The following KLF8 variants were observed in gnomAD, a reference collection of about 807,000 sequenced individuals.
KLF8 encodes the protein Krueppel-like factor 8.
KLF8 carries 10 observed loss-of-function variants against 18.2 expected under a neutral mutation model. That is an observed-to-expected ratio of 0.55 (90% CI 0.34 to 0.93). The LOEUF is 0.93. Among genes scored for constraint, KLF8 ranks in the 40% least tolerant of loss-of-function variants. The pLI, the probability that KLF8 is intolerant of heterozygous loss-of-function variation, is 0.02. For missense variants in KLF8, 264 were observed against 277.9 expected (o/e 0.95, Z 0.36); for synonymous variants, 109 against 97.3 (o/e 1.12, Z -0.71).
chrX:56,154,493 T>TA, the KLF8 span, among the ~76,000 whole-genome samples: 1 of 111,668 alleles, frequency 9.0e-6, no homozygotes. Flanking sequence ...CCTAAAACCA[T>TA]AAAAACCCTT....
intron 5 of KLF8, among the ~76,000 whole-genome samples, chrX:56,281,765 C>T (rs1299573384): frequency 8.9e-6 from 1 of 112,515 alleles, no homozygotes; most frequent in Non-Finnish European, 1.9e-5. Context: ...ATTATGAATT[C>T]TTTCTCTGCA....
chrX:56,198,707 A>T, the KLF8 span, among the ~76,000 whole-genome samples: 1 of 112,082 alleles, frequency 8.9e-6, no homozygotes, highest in African/African-American at 3.2e-5. Flanking sequence ...TCAAGCTACC[A>T]AGGACTTTCT....
chrX:56,183,496 G>A, the KLF8 span, among the ~76,000 whole-genome samples: 1 of 111,469 alleles, frequency 9.0e-6, no homozygotes, highest in Non-Finnish European at 1.9e-5. Flanking sequence ...CCAGTGAGAT[G>A]AAACCTGTAC....
the KLF8 span, among the ~76,000 whole-genome samples, chrX:56,070,420 T>C: frequency 1.9e-5 from 2 of 106,445 alleles, no homozygotes; most frequent in African/African-American, 6.9e-5. Flanking sequence ...TAAATTTTCT[T>C]AAAAAAAGAA....
At position 56,290,474 on chromosome X, in the gene KLF8, A is replaced by G. The variant is rs1325933018; in HGVS notation, c.*5980A>G. Among the ~76,000 whole-genome samples, 3 of 111,596 alleles carry G rather than the reference A, an allele frequency of 2.7e-5. No homozygotes were observed. Among genetic ancestry groups the G allele is most frequent in the Admixed American group, 9.6e-5 (1 of 10,468 alleles). On this transcript the variant is annotated 3_prime_UTR_variant, in exon 6 of 6. Coordinates refer to ENST00000468660, the MANE Select transcript of KLF8 (RefSeq NM_007250.5). ...CAATATTATTTATTCTCTTACTTTC[A>G]CTTTCCCTATATCTTCTTTGTTACT...
chrX:56,154,563 A>G, the KLF8 span, among the ~76,000 whole-genome samples: 10 of 112,245 alleles, frequency 8.9e-5, no homozygotes, highest in Non-Finnish European at 1.7e-4. Context: ...TCATGTCTAA[A>G]ACGCCAAAAG....
the KLF8 span, among the ~76,000 whole-genome samples, chrX:55,916,814 C>A: frequency 2.7e-5 from 3 of 112,130 alleles, no homozygotes; most frequent in African/African-American, 9.7e-5. Context: ...TTGGATACTT[C>A]TTGTATCAAT....
At chrX:55,965,232 C>G in the KLF8 span, among the ~76,000 whole-genome samples, 1 of 112,315 alleles carries the variant, frequency 8.9e-6, no homozygotes, top group African/African-American at 3.2e-5. Context: ...AAACTTGGAT[C>G]AACATATACA....
At chrX:55,987,650 G>A in the KLF8 span, among the ~76,000 whole-genome samples, 9,670 of 111,523 alleles carry the variant, frequency 0.087, 1,000 homozygotes, top group African/African-American at 0.3. Flanking sequence ...GAATAGTGCC[G>A]CAATAAACAT....
chrX:56,187,185 G>C, the KLF8 span, among the ~76,000 whole-genome samples: 1 of 111,490 alleles, frequency 9.0e-6, no homozygotes, highest in Admixed American at 9.5e-5. Flanking sequence ...AAATGATAAA[G>C]GGGATATCAC....
the KLF8 span, among the ~76,000 whole-genome samples, chrX:55,942,208 TC>T: frequency 1.8e-5 from 2 of 111,370 alleles, no homozygotes; most frequent in African/African-American, 6.5e-5. Context: ...TGAGTTCATG[TC>T]CTTTGTAGGG....
At chrX:56,060,381 G>A in the KLF8 span, among the ~76,000 whole-genome samples, 1 of 111,800 alleles carries the variant, frequency 8.9e-6, no homozygotes, top group Admixed American at 9.5e-5. Context: ...TTTATTGAGA[G>A]TTTTTAGCAT....
chrX:56,155,966 G>A, the KLF8 span, among the ~76,000 whole-genome samples: 6 of 109,973 alleles, frequency 5.5e-5, no homozygotes, highest in African/African-American at 1.7e-4. Context: ...AGCTCCATCC[G>A]TGTTGCTATA....
chrX:56,172,718 G>A, the KLF8 span, among the ~76,000 whole-genome samples: 10 of 111,506 alleles, frequency 9.0e-5, no homozygotes, highest in South Asian at 1.5e-3. Flanking sequence ...TTCCAGTCCC[G>A]CCAACAGTGT....
the KLF8 span, among the ~76,000 whole-genome samples, chrX:55,951,431 A>G: frequency 9.5e-6 from 1 of 105,265 alleles, no homozygotes; most frequent in Admixed American, 1.0e-4. Flanking sequence ...AGCTGAGACC[A>G]TGCCATTGCA....
the KLF8 span, among the ~76,000 whole-genome samples, chrX:56,164,027 A>T: frequency 3.6e-5 from 4 of 111,640 alleles, no homozygotes; most frequent in Non-Finnish European, 7.5e-5. Context: ...ATGCAGTGCA[A>T]TGCCTCCAGC....
the KLF8 span, among the ~76,000 whole-genome samples, chrX:56,115,079 A>G: frequency 2.7e-5 from 3 of 111,528 alleles, no homozygotes; most frequent in African/African-American, 6.5e-5. Flanking sequence ...TATTTGTGGT[A>G]AGATTATGTT....
the KLF8 span, among the ~76,000 whole-genome samples, chrX:56,200,858 T>G: frequency 9.0e-6 from 1 of 111,682 alleles, no homozygotes; most frequent in Non-Finnish European, 1.9e-5. Context: ...AAAAGGTATA[T>G]GAAAGACACT....
chrX:55,942,780 A>G, the KLF8 span, among the ~76,000 whole-genome samples: 1 of 112,235 alleles, frequency 8.9e-6, no homozygotes, highest in African/African-American at 3.2e-5. Flanking sequence ...AGAAGCCAAC[A>G]AGTGCAAAGG....
Sources: allele counts gnomAD v4.1 joint callset (sites outside exome capture counted in the v4.1 genomes callset), GRCh38; gene constraint gnomAD v4.1.1; transcripts MANE v1.5; gene names NCBI Gene and HGNC (gene_info 2026-07-23, HGNC 2026-07-21).